AGPAT5: variants seen among roughly 807,000 people sequenced by gnomAD.
The protein encoded by AGPAT5 is 1-acylglycerol-3-phosphate O-acyltransferase 5, also known as 1-acyl-sn-glycerol-3-phosphate acyltransferase epsilon.
A neutral mutation model predicts 45.6 loss-of-function variants in AGPAT5; 46 were observed. The ratio of observed to expected loss-of-function variants is 1.01; its 90% confidence interval spans 0.80 to 1.29. The LOEUF (loss-of-function observed/expected upper bound fraction) is 1.29. AGPAT5 is among the 50% of genes most tolerant of loss of function. The pLI is 0.00. For synonymous variants in AGPAT5, 272 were observed against 167.0 expected, an observed-to-expected ratio of 1.63 and a Z score of -4.85; for missense variants, 673 against 450.7, an observed-to-expected ratio of 1.49 and a Z score of -4.47.
rs1311769923 is a variant in AGPAT5, at chr8:6,760,742, G to C, written c.*3354G>C. On this transcript the variant is annotated 3_prime_UTR_variant, in exon 8 of 8. Coordinates refer to ENST00000285518, the MANE Select transcript of AGPAT5 (RefSeq NM_018361.5). The stretch of plus-strand genomic sequence containing the variant: ...TCATTACGAGTAACTCACACTTTTT[G>C]ATTAAAGAACTTGAAATTACGTTAT... 6.6e-6 allele frequency among the ~76,000 whole-genome samples: 1 copy of C among 152,080 alleles called. No individual in the cohort carries two copies. The highest frequency in any genetic ancestry group is 6.5e-5 in the Admixed American group (1 of 15,278).
rs1801249828 is a variant in AGPAT5 at position 6,741,698 on chromosome 8, A to G, written c.533A>G (p.Asn178Ser). The G allele has an allele frequency of 6.2e-7, 1 of 1,612,944 alleles. No individual in the cohort carries two copies. The change falls in exon 5 of 8, where the codon AAT becomes AGT. Residue 178 changes from asparagine to serine, a missense_variant. Transcript: ENST00000285518. Reference sequence around the variant, plus strand: ...ATTTTTCCAGAAGGTACAAGGTATAATCCAGAGCAAACAAAAGTCCTTTCA... The same window carrying G: ...ATTTTTCCAGAAGGTACAAGGTATAGTCCAGAGCAAACAAAAGTCCTTTCA... ...LVIFPEGTRY[N>S]PEQTKVLSAS...
At chr8:6,733,971 A>C (rs1213071497) in intron 4 of AGPAT5, among the ~76,000 whole-genome samples, 2 of 151,962 alleles carry the variant, frequency 1.3e-5, no homozygotes, top group Non-Finnish European at 1.5e-5. Flanking sequence ...AGCTCTTTAC[A>C]CTTGTCATGT....
intron 6 of AGPAT5, among the ~76,000 whole-genome samples, chr8:6,751,769 A>G (rs747958839): frequency 6.6e-6 from 1 of 152,140 alleles, no homozygotes; most frequent in Non-Finnish European, 1.5e-5. Context: ...TTGTGTGCTT[A>G]AGGACAACCT....
chr8:6,715,709 A>G lies in AGPAT5; in HGVS notation c.219+6822A>G, dbSNP rs572150164. ...TTCAAGGTATTCATCTAGGAAAGAC[A>G]TGAACTGCCAATTACAATATAGGAT... On this transcript the variant is annotated intron_variant, in intron 1 of 7. Coordinates refer to ENST00000285518, the MANE Select transcript of AGPAT5 (RefSeq NM_018361.5). 1.6e-4 allele frequency among the ~76,000 whole-genome samples: 25 copies of G among 152,316 alleles called. No individual in the cohort carries two copies. In the South Asian group the frequency reaches 2.1e-3, roughly 13 times the overall value.
At chr8:6,741,795 A>G (rs1801253661) in intron 5 of AGPAT5, 44 bp downstream of exon 5, 1 of 1,459,156 alleles carries the variant, frequency 6.9e-7, no homozygotes, top group Admixed American at 1.8e-5. Context: ...TTTCAAAGAT[A>G]ATAACATTTT....
At chr8:6,748,417 G>A (rs1801550293) in intron 6 of AGPAT5, among the ~76,000 whole-genome samples, 1 of 152,216 alleles carries the variant, frequency 6.6e-6, no homozygotes, top group Non-Finnish European at 1.5e-5. Context: ...GGCAAACAGG[G>A]AAGTGTGTGG....
intron 6 of AGPAT5, among the ~76,000 whole-genome samples, chr8:6,752,822 A>G (rs1171449682): frequency 1.3e-5 from 2 of 152,220 alleles, no homozygotes; most frequent in South Asian, 2.1e-4. Context: ...TATTAAACCT[A>G]TAGGAAGTAT....
chr8:6,729,046 C>G (rs1270174410), intron 2 of AGPAT5, among the ~76,000 whole-genome samples: 7 of 152,008 alleles, frequency 4.6e-5, no homozygotes. Context: ...GGAGCCATAA[C>G]AAAAGTTTCA....
At chr8:6,754,161 C>G (rs527838107) in intron 6 of AGPAT5, among the ~76,000 whole-genome samples, 2 of 152,200 alleles carry the variant, frequency 1.3e-5, no homozygotes, top group Non-Finnish European at 2.9e-5. Flanking sequence ...TACCTGTCCA[C>G]AGGGAGCCCC....
At chr8:6,713,274 A>G (rs1017722822) in intron 1 of AGPAT5, among the ~76,000 whole-genome samples, 4 of 152,146 alleles carry the variant, frequency 2.6e-5, no homozygotes, top group African/African-American at 9.7e-5. Context: ...CTAGCCCCTA[A>G]TAAATATTCT....
rs1801926694 is a variant in AGPAT5 at position 6,758,664 on chromosome 8, T to TA, written c.*1277dup. The TA allele has an allele frequency of 6.5e-6, 1 of 152,674 alleles. No homozygotes were observed. The highest frequency in any genetic ancestry group is 2.4e-5 in the African/African-American group (1 of 41,472). 9.5% of individuals were successfully genotyped at this position (152,674 alleles called of 1,614,324 possible). On this transcript the variant is annotated 3_prime_UTR_variant, in exon 8 of 8. Transcript: ENST00000285518. The stretch of plus-strand genomic sequence containing the variant: ...TATTTCCCATTAGGTTTAGTGGAGC[T>TA]ACACATTAATATGTATCGCCTTAGA...
intron 1 of AGPAT5, among the ~76,000 whole-genome samples, chr8:6,723,377 G>C (rs1352076704): frequency 6.6e-6 from 1 of 152,302 alleles, no homozygotes; most frequent in South Asian, 2.1e-4. Context: ...TGTAGAGACA[G>C]GGTCTGGCTG....
At chr8:6,748,302 T>C (rs1801546542) in intron 6 of AGPAT5, among the ~76,000 whole-genome samples, 1 of 152,236 alleles carries the variant, frequency 6.6e-6, no homozygotes, top group African/African-American at 2.4e-5. Flanking sequence ...TTTGAGCTAT[T>C]GTCAGATATA....
chr8:6,743,218 G>C (rs1327242890), intron 5 of AGPAT5, among the ~76,000 whole-genome samples: 1 of 152,078 alleles, frequency 6.6e-6, no homozygotes, highest in Non-Finnish European at 1.5e-5. Flanking sequence ...TCAGGTTTTG[G>C]TGTTTGATTA....
intron 1 of AGPAT5, among the ~76,000 whole-genome samples, chr8:6,712,132 T>C (rs916286494): frequency 2.0e-5 from 3 of 152,224 alleles, no homozygotes; most frequent in African/African-American, 7.2e-5. Context: ...ATTTACGTAT[T>C]AAAGCATTTT....
Position 6,716,044 on chromosome 8 carries a change from C to G in AGPAT5, c.219+7157C>G, listed in dbSNP as rs185827468. On this transcript the variant is annotated intron_variant, in intron 1 of 7. Coordinates refer to ENST00000285518, the MANE Select transcript of AGPAT5 (RefSeq NM_018361.5). ...CCGCCCCTCCCCACATTAGACCGCT[C>G]CTCTCTGGAATTCCAACTCAAGCCC... Among the ~76,000 whole-genome samples, 128 of 152,280 alleles carry G rather than the reference C, an allele frequency of 8.4e-4. 2 individuals are homozygous for G. The East Asian group carries it at 0.016, about 19-fold the overall frequency.
chr8:6,722,830 A>T (rs1035846814), intron 1 of AGPAT5, among the ~76,000 whole-genome samples: 34 of 151,828 alleles, frequency 2.2e-4, no homozygotes, highest in African/African-American at 8.0e-4. Flanking sequence ...GAAAAGAGAA[A>T]TTTTTTTTTC....
At chr8:6,738,212 C>G (rs1326676879) in intron 4 of AGPAT5, among the ~76,000 whole-genome samples, 1 of 152,178 alleles carries the variant, frequency 6.6e-6, no homozygotes, top group Non-Finnish European at 1.5e-5. Flanking sequence ...CCATTTCTAG[C>G]TATTGATGTA....
intron 4 of AGPAT5, among the ~76,000 whole-genome samples, chr8:6,734,156 T>G (rs2116906968): frequency 6.6e-6 from 1 of 152,352 alleles, no homozygotes; most frequent in South Asian, 2.1e-4. Flanking sequence ...CTTATTTCCT[T>G]AAATATTATT....
Sources: gnomAD v4.1 joint callset for allele counts (sites outside exome capture counted in the v4.1 genomes callset) on GRCh38, gnomAD v4.1.1 for gene constraint, MANE v1.5 for transcripts, NCBI Gene and HGNC (gene_info 2026-07-23, HGNC 2026-07-21) for gene names.